MECOM: variants seen among roughly 807,000 people sequenced by gnomAD.
MECOM encodes MDS1 and EVI1 complex locus.
A neutral mutation model predicts 116.3 loss-of-function variants in MECOM; 13 were observed. That is an observed-to-expected ratio of 0.11 (90% CI 0.07 to 0.18). The LOEUF (loss-of-function observed/expected upper bound fraction) is 0.18. MECOM is among the 10% of genes least tolerant of loss of function. The pLI, the probability that MECOM is intolerant of heterozygous loss-of-function variation, is 1.00. For synonymous variants in MECOM, 528 were observed against 535.2 expected, an observed-to-expected ratio of 0.99 and a Z score of 0.19; for missense variants, 1,299 against 1,509.0, an observed-to-expected ratio of 0.86 and a Z score of 2.31.
intron 1 of MECOM, among the ~76,000 whole-genome samples, chr3:169,536,043 C>G (rs138178856): frequency 1.3e-5 from 2 of 152,194 alleles, no homozygotes; most frequent in South Asian, 2.1e-4. Flanking sequence ...CATTTAATAA[C>G]AGCCCATGTG....
chr3:169,160,827 T>A (rs1742737512), intron 2 of MECOM, among the ~76,000 whole-genome samples: 1 of 151,930 alleles, frequency 6.6e-6, no homozygotes. Flanking sequence ...CCCACAAAAA[T>A]TAAAAATTAA....
At chr3:169,597,451 G>A (rs527879288) in intron 1 of MECOM, among the ~76,000 whole-genome samples, 1 of 152,330 alleles carries the variant, frequency 6.6e-6, no homozygotes, top group South Asian at 2.1e-4. Context: ...CTTGTACACA[G>A]GACCCGTGGA....
chr3:169,395,277 A>G lies in MECOM; in HGVS notation c.38-13753T>C, dbSNP rs144886514. Among the ~76,000 whole-genome samples, 31 of 152,308 alleles carry G rather than the reference A, an allele frequency of 2.0e-4. No homozygotes were observed. In the East Asian group the frequency reaches 5.8e-3, roughly 28 times the overall value. On this transcript the variant is annotated intron_variant, in intron 1 of 16. Coordinates refer to ENST00000651503, the MANE Select transcript of MECOM (RefSeq NM_004991.4). Reference sequence around the variant, plus strand: ...CCAGCAATGTTTCTAGTTCATTACAATGATTCAATGTGATTGTGTTGAGTT... The same window carrying G: ...CCAGCAATGTTTCTAGTTCATTACAGTGATTCAATGTGATTGTGTTGAGTT...
chr3:169,422,495 G>T (rs1739932384), intron 1 of MECOM, among the ~76,000 whole-genome samples: 1 of 151,922 alleles, frequency 6.6e-6, no homozygotes. Context: ...CTTCATATTT[G>T]GTTGCTTCTT....
At chr3:169,138,464 T>A (rs1047987555) in intron 3 of MECOM, among the ~76,000 whole-genome samples, 1 of 152,114 alleles carries the variant, frequency 6.6e-6, no homozygotes, top group African/African-American at 2.4e-5. Context: ...CATCTTCAGG[T>A]GAAGGAAGTA....
intron 1 of MECOM, among the ~76,000 whole-genome samples, chr3:169,516,680 T>C (rs539650872): frequency 6.6e-4 from 100 of 152,232 alleles, no homozygotes; most frequent in African/African-American, 2.2e-3. Flanking sequence ...AGAACCCAGC[T>C]CTTAATTATC....
intron 2 of MECOM, among the ~76,000 whole-genome samples, chr3:169,320,389 C>G (rs1720633835): frequency 6.6e-6 from 1 of 152,038 alleles, no homozygotes; most frequent in Admixed American, 6.5e-5. Context: ...TGAAGACATA[C>G]AGAGAGAAAG....
chr3:169,322,427 A>T (rs1721017799), intron 2 of MECOM, among the ~76,000 whole-genome samples: 1 of 151,990 alleles, frequency 6.6e-6, no homozygotes, highest in Non-Finnish European at 1.5e-5. Flanking sequence ...ATACTCATTG[A>T]CCTCCTTGGC....
Position 169,228,433 on chromosome 3 carries a change from T to C in MECOM, c.376-84601A>G, listed in dbSNP as rs1253365090. Reference sequence around the variant, plus strand: ...CAAAGCAGGAGAGGACAGATGACCATGCTTTTATAAACTACAGTTTATGCA... The same window carrying C: ...CAAAGCAGGAGAGGACAGATGACCACGCTTTTATAAACTACAGTTTATGCA... On this transcript the variant is annotated intron_variant, in intron 2 of 16. Coordinates refer to ENST00000651503, the MANE Select transcript of MECOM (RefSeq NM_004991.4). 8.5e-5 allele frequency among the ~76,000 whole-genome samples: 13 copies of C among 152,200 alleles called. No homozygotes were observed. The East Asian group carries it at 2.5e-3, about 29-fold the overall frequency.
chr3:169,217,801 T>C (rs1751597668), intron 2 of MECOM, among the ~76,000 whole-genome samples: 1 of 150,026 alleles, frequency 6.7e-6, no homozygotes, highest in African/African-American at 2.4e-5. Flanking sequence ...TATATATATA[T>C]TTATTTTACA....
intron 2 of MECOM, among the ~76,000 whole-genome samples, chr3:169,265,863 C>G (rs545829907): frequency 8.8e-4 from 134 of 152,226 alleles, no homozygotes; most frequent in Middle Eastern, 3.4e-3. Context: ...AGTCAGTGGA[C>G]AAGGAGGTAC....
chr3:169,561,756 T>C (rs1052861646), intron 1 of MECOM, among the ~76,000 whole-genome samples: 82 of 152,128 alleles, frequency 5.4e-4, no homozygotes, highest in African/African-American at 1.9e-3. Context: ...TAGCAAAGGA[T>C]TATTAAAGAC....
At chr3:169,317,927 T>C (rs1035282568) in intron 2 of MECOM, among the ~76,000 whole-genome samples, 2 of 152,038 alleles carry the variant, frequency 1.3e-5, no homozygotes, top group African/African-American at 4.8e-5. Flanking sequence ...AAAACAGATA[T>C]GTAGACCAAT....
At chr3:169,144,296 G>A (rs1043337301) in intron 2 of MECOM, among the ~76,000 whole-genome samples, 1 of 151,790 alleles carries the variant, frequency 6.6e-6, no homozygotes, top group Non-Finnish European at 1.5e-5. Flanking sequence ...TCATTACCAT[G>A]AAACAATTAA....
chr3:169,352,433 T>C lies in MECOM; in HGVS notation c.375+28754A>G, dbSNP rs541732017. ...ATTAGCTAACTTTACTATGAAATTA[T>C]CTTCTTGACTCTGATGTGGTAGTTT... On this transcript the variant is annotated intron_variant, in intron 2 of 16. Coordinates refer to ENST00000651503, the MANE Select transcript of MECOM (RefSeq NM_004991.4). Among the ~76,000 whole-genome samples the C allele has an allele frequency of 6.2e-4, 94 of 152,012 alleles. 1 individual carries two copies. Among genetic ancestry groups the C allele is most frequent in the African/African-American group, 2.2e-3 (90 of 41,534 alleles).
At chr3:169,628,643 A>G (rs1049125125) in intron 1 of MECOM, among the ~76,000 whole-genome samples, 4 of 152,196 alleles carry the variant, frequency 2.6e-5, no homozygotes, top group Non-Finnish European at 2.9e-5. Context: ...GGACGGAACA[A>G]TTCATTCCGC....
chr3:169,207,233 A>C (rs1026191005), intron 2 of MECOM, among the ~76,000 whole-genome samples: 4 of 152,228 alleles, frequency 2.6e-5, no homozygotes, highest in Admixed American at 1.3e-4. Flanking sequence ...GAAGGATGAC[A>C]CAAGATGGAT....
intron 9 of MECOM, among the ~76,000 whole-genome samples, chr3:169,109,508 G>C (rs1165811545): frequency 6.6e-6 from 1 of 151,426 alleles, no homozygotes; most frequent in Admixed American, 6.6e-5. Flanking sequence ...TCCACCTCCT[G>C]GGTTCAAGTG....
intron 2 of MECOM, among the ~76,000 whole-genome samples, chr3:169,210,030 G>A (rs942215075): frequency 2.6e-5 from 4 of 152,058 alleles, no homozygotes; most frequent in Non-Finnish European, 5.9e-5. Context: ...GCCATAAAAA[G>A]GAATGCGATC....
Sources: allele counts gnomAD v4.1 joint callset (sites outside exome capture counted in the v4.1 genomes callset), GRCh38; gene constraint gnomAD v4.1.1; transcripts MANE v1.5; gene names NCBI Gene and HGNC (gene_info 2026-07-23, HGNC 2026-07-21).